The following MECOM variants were observed in gnomAD, a reference collection of about 807,000 sequenced individuals.
MECOM encodes histone-lysine N-methyltransferase MECOM.
In MECOM, 13 loss-of-function variants were observed where a neutral mutation model predicts 116.3. The ratio of observed to expected loss-of-function variants is 0.11; its 90% CI spans 0.07 to 0.18. MECOM has a LOEUF of 0.18. Among genes scored for constraint, MECOM ranks in the 10% least tolerant of loss-of-function variants. The pLI is 1.00. For missense variants in MECOM, 1,299 were observed against 1,509.0 expected (o/e 0.86, Z 2.31); for synonymous variants, 528 against 535.2 (o/e 0.99, Z 0.19).
chr3:169,209,881 C>T (rs983811323), intron 2 of MECOM, among the ~76,000 whole-genome samples: 3 of 152,090 alleles, frequency 2.0e-5, no homozygotes, highest in Non-Finnish European at 4.4e-5. Context: ...ATAAATCATT[C>T]TTCTATAAAG....
chr3:169,474,051 T>C (rs1166551696), intron 1 of MECOM, among the ~76,000 whole-genome samples: 1 of 152,182 alleles, frequency 6.6e-6, no homozygotes, highest in African/African-American at 2.4e-5. Context: ...GGTTTGAGAA[T>C]GCTAATGAGC....
intron 2 of MECOM, among the ~76,000 whole-genome samples, chr3:169,230,013 A>G (rs80279632): frequency 3.3e-5 from 5 of 152,170 alleles, no homozygotes; most frequent in South Asian, 4.1e-4. Flanking sequence ...CTTTACTCCA[A>G]TGTCAAGGAA....
chr3:169,145,206 CTTCTT>C (rs1739493723), intron 2 of MECOM: 11 of 553,932 alleles, frequency 2.0e-5, no homozygotes, highest in Non-Finnish European at 3.1e-5. Context: ...AAATCAAACT[CTTCTT>C]TTTCAAGGAT....
At chr3:169,640,564 G>A (rs1773337810) in intron 1 of MECOM, among the ~76,000 whole-genome samples, 1 of 152,194 alleles carries the variant, frequency 6.6e-6, no homozygotes, top group Admixed American at 6.5e-5. Context: ...TGTAAGGGGT[G>A]GTGGTAACAG....
At chr3:169,537,507 A>G (rs1168205761) in intron 1 of MECOM, among the ~76,000 whole-genome samples, 1 of 152,184 alleles carries the variant, frequency 6.6e-6, no homozygotes, top group African/African-American at 2.4e-5. Context: ...CCCTAATCTC[A>G]TAAGTAGTTT....
At chr3:169,152,360 G>A (rs541230403) in intron 2 of MECOM, among the ~76,000 whole-genome samples, 2 of 152,278 alleles carry the variant, frequency 1.3e-5, no homozygotes, top group East Asian at 3.9e-4. Flanking sequence ...CTGAAAGCAT[G>A]TTAATCTCCA....
intron 1 of MECOM, among the ~76,000 whole-genome samples, chr3:169,460,172 C>A (rs80131709): frequency 0.036 from 5,499 of 152,132 alleles, 319 homozygotes; most frequent in African/African-American, 0.13. Flanking sequence ...CCTCCATGAA[C>A]TGAATCCAAA....
At chr3:169,517,353 T>C (rs549285668) in intron 1 of MECOM, among the ~76,000 whole-genome samples, 2 of 152,344 alleles carry the variant, frequency 1.3e-5, no homozygotes, top group East Asian at 1.9e-4. Flanking sequence ...TGTAAGGTAA[T>C]AGATTTATCT....
At chr3:169,378,435 A>G (rs886954814) in intron 2 of MECOM, among the ~76,000 whole-genome samples, 53 of 81,786 alleles carry the variant, frequency 6.5e-4, no homozygotes, top group African/African-American at 3.7e-3. Flanking sequence ...GAAAGAAAGA[A>G]AGAAAGAAAG....
At chr3:169,193,909 T>C (rs1748048556) in intron 2 of MECOM, among the ~76,000 whole-genome samples, 1 of 152,062 alleles carries the variant, frequency 6.6e-6, no homozygotes, top group Non-Finnish European at 1.5e-5. Flanking sequence ...TGGCAATTCT[T>C]TTATTAAATA....
At chr3:169,461,275 T>C (rs1747393762) in intron 1 of MECOM, among the ~76,000 whole-genome samples, 1 of 152,150 alleles carries the variant, frequency 6.6e-6, no homozygotes. Context: ...GAAGCTGTGG[T>C]CTTATCTGAC....
At chr3:169,305,096 A>G (rs1310238542) in intron 2 of MECOM, among the ~76,000 whole-genome samples, 1 of 152,230 alleles carries the variant, frequency 6.6e-6, no homozygotes, top group Non-Finnish European at 1.5e-5. Flanking sequence ...GATAGGACTC[A>G]ATAAATATTA....
chr3:169,335,476 G>A (rs17685663), intron 2 of MECOM, among the ~76,000 whole-genome samples: 6,504 of 152,186 alleles, frequency 0.043, 165 homozygotes, highest in Non-Finnish European at 0.059. Flanking sequence ...TGAGCTCAGC[G>A]TGCGCTTGGA....
At chr3:169,417,755 A>G (rs1738924655) in intron 1 of MECOM, among the ~76,000 whole-genome samples, 1 of 152,102 alleles carries the variant, frequency 6.6e-6, no homozygotes, top group African/African-American at 2.4e-5. Context: ...TGGCACATAT[A>G]CACCATGGAA....
At chr3:169,196,438 C>A (rs551795488) in intron 2 of MECOM, among the ~76,000 whole-genome samples, 1 of 151,974 alleles carries the variant, frequency 6.6e-6, no homozygotes, top group Admixed American at 6.6e-5. Flanking sequence ...TTGTAAAATA[C>A]TTCACAATTT....
At chr3:169,475,194 AG>A (rs1342134293) in intron 1 of MECOM, among the ~76,000 whole-genome samples, 1 of 152,232 alleles carries the variant, frequency 6.6e-6, no homozygotes, top group South Asian at 2.1e-4. Context: ...AGGGGAAAAA[AG>A]ACAATTTGTG....
At chr3:169,237,318 A>T (rs1844070) in intron 2 of MECOM, among the ~76,000 whole-genome samples, 139,214 of 152,198 alleles carry the variant, frequency 0.91, 63,727 homozygotes, top group Middle Eastern at 0.95. Flanking sequence ...CTGAAATGTA[A>T]AATCTTATCC....
intron 2 of MECOM, among the ~76,000 whole-genome samples, chr3:169,309,529 C>T (rs1718341146): frequency 6.6e-6 from 1 of 152,050 alleles, no homozygotes; most frequent in Admixed American, 6.6e-5. Flanking sequence ...TGGGATGTAA[C>T]CTTAAAAGGA....
chr3:169,601,004 C>T (rs1451861598), intron 1 of MECOM, among the ~76,000 whole-genome samples: 2 of 152,212 alleles, frequency 1.3e-5, no homozygotes, highest in Non-Finnish European at 2.9e-5. Context: ...ACTTCAAAAA[C>T]TCCATTTCTA....
Sources: allele counts gnomAD v4.1 joint callset (sites outside exome capture counted in the v4.1 genomes callset), GRCh38; gene constraint gnomAD v4.1.1; transcripts MANE v1.5; gene names NCBI Gene and HGNC (gene_info 2026-07-23, HGNC 2026-07-21).